URGCP: variants seen among roughly 807,000 people sequenced by gnomAD.
URGCP encodes upregulator of cell proliferation, also known as up-regulator of cell proliferation.
A neutral mutation model predicts 24.6 loss-of-function variants in URGCP; 13 were observed. That is an observed-to-expected ratio of 0.53 (90% confidence interval 0.34 to 0.84). The LOEUF (loss-of-function observed/expected upper bound fraction) is 0.84, where lower values mean the gene tolerates loss of function less well. Ranked by LOEUF, URGCP falls within the 40% of genes least tolerant of loss-of-function variation. The pLI, the probability that URGCP is intolerant of heterozygous loss-of-function variation, is 0.01. For missense variants in URGCP, 899 were observed against 1,194.3 expected (o/e 0.75, Z 3.64); for synonymous variants, 444 against 487.2 (o/e 0.91, Z 1.17).
At chr7:43,886,632 A>G (rs1331477417) in intron 3 of URGCP, among the ~76,000 whole-genome samples, 4 of 152,214 alleles carry the variant, frequency 2.6e-5, no homozygotes, top group African/African-American at 9.6e-5. Flanking sequence ...GCATGCCTGT[A>G]ATCTCAGCTA....
chr7:43,887,351 C>T (rs1417156940), intron 3 of URGCP, 64 bp downstream of exon 3: 2 of 1,583,816 alleles, frequency 1.3e-6, no homozygotes. Flanking sequence ...ACCCAGAATC[C>T]CAAGGGGACA....
chr7:43,882,362 AT>A (rs1233559747), intron 3 of URGCP, among the ~76,000 whole-genome samples: 1 of 152,182 alleles, frequency 6.6e-6, no homozygotes, highest in African/African-American at 2.4e-5. Flanking sequence ...AGACAAAATA[AT>A]TGCTTGAACC....
intron 1 of URGCP, chr7:43,888,029 A>C (rs1473988033): frequency 1.8e-6 from 1 of 544,232 alleles, no homozygotes; most frequent in East Asian, 3.1e-5. Flanking sequence ...GTCGGGGGAA[A>C]GTCAGGCTAC....
chr7:43,905,683 G>A (rs1398281868), intron 1 of URGCP: 2 of 152,034 alleles, frequency 1.3e-5, no homozygotes, highest in Non-Finnish European at 2.9e-5. Flanking sequence ...AAGACCCTCT[G>A]AATGATGGGT....
chr7:43,887,731 C>A (rs2095864187), intron 2 of URGCP, 59 bp downstream of exon 2: 1 of 1,537,866 alleles, frequency 6.5e-7, no homozygotes, highest in Non-Finnish European at 8.7e-7. Flanking sequence ...CAGCACTCTC[C>A]AAAACTGCTG....
At chr7:43,883,344 ATATATATATATATATATATTT>A (rs1312996834) in intron 3 of URGCP, among the ~76,000 whole-genome samples, 3 of 99,608 alleles carry the variant, frequency 3.0e-5, no homozygotes, top group African/African-American at 1.5e-4. Flanking sequence ...ATACATATAT[ATATATATATATATATATATTT>A]TTTTTTTTTT....
chr7:43,911,386 C>T (rs1354043355), upstream of URGCP, among the ~76,000 whole-genome samples: 5 of 151,070 alleles, frequency 3.3e-5, no homozygotes, highest in South Asian at 1.0e-3. Flanking sequence ...GGTGACAGAG[C>T]GAGACTCCAT....
intron 1 of URGCP, among the ~76,000 whole-genome samples, chr7:43,891,120 CT>C (rs2095870017): frequency 6.6e-6 from 1 of 152,198 alleles, no homozygotes. Flanking sequence ...TGTTTTTCTG[CT>C]GACCTACCTC....
At chr7:43,916,856 T>A (rs1021351349) in intron 1 of URGCP, among the ~76,000 whole-genome samples, 1 of 152,138 alleles carries the variant, frequency 6.6e-6, no homozygotes, top group Middle Eastern at 3.4e-3. Context: ...GGGTATTTGC[T>A]AGGAAGAGAA....
chr7:43,884,987 G>A (rs988546313), intron 3 of URGCP, among the ~76,000 whole-genome samples: 1 of 152,092 alleles, frequency 6.6e-6, no homozygotes, highest in Non-Finnish European at 1.5e-5. Context: ...GGGACCTTTG[G>A]GGGCATGGGT....
chr7:43,883,356 A>AT lies in URGCP; in HGVS notation c.113-1400dup, dbSNP rs1426251879. 3.6e-3 allele frequency among the ~76,000 whole-genome samples: 352 copies of AT among 96,770 alleles called. 2 individuals are homozygous for AT. Among genetic ancestry groups the AT allele is most frequent in the African/African-American group, 0.017 (284 of 16,406 alleles). 63.5% of individuals were successfully genotyped at this position (96,770 alleles called of 152,430 possible). On this transcript the variant is annotated intron_variant, in intron 3 of 5. Coordinates refer to ENST00000453200, the MANE Select transcript of URGCP (RefSeq NM_001077663.3). ...TATATACATATATATATATATATATATATATATTTTTTTTTTTTTTTTGAG... is the reference window on the plus strand; with the variant it reads ...TATATACATATATATATATATATATATTATATATTTTTTTTTTTTTTTTGAG...
chr7:43,881,835 C>T, intron 4 of URGCP, 72 bp downstream of exon 4: 1 of 1,605,612 alleles, frequency 6.2e-7, no homozygotes, highest in Admixed American at 1.7e-5. Flanking sequence ...AATATAAAAT[C>T]CCGGTTATCT....
At chr7:43,881,876 C>T in intron 4 of URGCP, 31 bp downstream of exon 4, 1 of 1,612,512 alleles carries the variant, frequency 6.2e-7, no homozygotes, top group Non-Finnish European at 8.5e-7. Flanking sequence ...TCTCCCCAGT[C>T]CAATCTGTTG....
At chr7:43,891,838 A>C (rs2132678457) in intron 1 of URGCP, among the ~76,000 whole-genome samples, 1 of 151,394 alleles carries the variant, frequency 6.6e-6, no homozygotes, top group East Asian at 2.0e-4. Flanking sequence ...GCTGGAGTGC[A>C]GTGACGCCAT....
chr7:43,908,861 G>A (rs2095907031), upstream of URGCP, among the ~76,000 whole-genome samples: 1 of 152,128 alleles, frequency 6.6e-6, no homozygotes, highest in African/African-American at 2.4e-5. Context: ...CAATTAATCT[G>A]CTTTTTGTGA....
chr7:43,898,919 T>C (rs1361936297), intron 1 of URGCP, among the ~76,000 whole-genome samples: 1 of 149,418 alleles, frequency 6.7e-6, no homozygotes, highest in Non-Finnish European at 1.5e-5. Flanking sequence ...GCAGATTACC[T>C]GAAGTCAGGA....
intron 1 of URGCP, among the ~76,000 whole-genome samples, chr7:43,915,579 A>G (rs1483038872): frequency 6.6e-6 from 1 of 152,196 alleles, no homozygotes; most frequent in Non-Finnish European, 1.5e-5. Flanking sequence ...TGCCCCTCCC[A>G]GCTGGGGCTG....
At chr7:43,926,675 T>C (rs956753212), upstream of URGCP, 3 of 1,122,320 alleles carry the variant, frequency 2.7e-6, no homozygotes, top group Admixed American at 3.4e-5. Context: ...TACACCTGCC[T>C]GGGAAGGAGG....
upstream of URGCP, among the ~76,000 whole-genome samples, chr7:43,908,399 A>G (rs2095906537): frequency 1.3e-5 from 2 of 152,212 alleles, no homozygotes; most frequent in African/African-American, 2.4e-5. Flanking sequence ...TCTTTTAAAC[A>G]TAAGGAATAC....
Sources: allele counts gnomAD v4.1 joint callset (sites outside exome capture counted in the v4.1 genomes callset), GRCh38; gene constraint gnomAD v4.1.1; transcripts MANE v1.5; gene names NCBI Gene and HGNC (gene_info 2026-07-23, HGNC 2026-07-21).